The following SLC38A11 variants were observed in gnomAD, a reference collection of about 807,000 sequenced individuals.
SLC38A11 encodes the protein putative sodium-coupled neutral amino acid transporter 11.
In SLC38A11, 51 loss-of-function variants were observed where a neutral mutation model predicts 49.4. The ratio of observed to expected loss-of-function variants is 1.03; its 90% CI spans 0.83 to 1.30. The LOEUF (loss-of-function observed/expected upper bound fraction) is 1.30, where lower values mean the gene tolerates loss of function less well. SLC38A11 is among the 50% of genes most tolerant of loss of function. The pLI, the probability that SLC38A11 is intolerant of heterozygous loss-of-function variation, is 0.00. For synonymous variants in SLC38A11, 203 were observed against 192.9 expected (o/e 1.05, Z -0.43); for missense variants, 574 against 556.2 (o/e 1.03, Z -0.32).
chr2:164,911,458 C>T (rs1046645748), intron 10 of SLC38A11, among the ~76,000 whole-genome samples, 178 bp downstream of exon 10: 1 of 152,036 alleles, frequency 6.6e-6, no homozygotes, highest in Non-Finnish European at 1.5e-5. Flanking sequence ...TTGTAAACAT[C>T]TGAATATAAA....
intron 7 of SLC38A11, among the ~76,000 whole-genome samples, chr2:164,919,989 T>A (rs1686068451): frequency 1.3e-5 from 2 of 151,996 alleles, no homozygotes; most frequent in South Asian, 4.2e-4. Context: ...TGAAATAACT[T>A]CCATAGACCA....
chr2:164,901,297 C>T (rs78912531), intron 11 of SLC38A11, among the ~76,000 whole-genome samples: 1,703 of 152,048 alleles, frequency 0.011, 29 homozygotes, highest in East Asian at 0.045. Context: ...TGAAGAATGC[C>T]GTTAGAATTT....
chr2:164,925,717 G>A (rs1686526595), intron 7 of SLC38A11, among the ~76,000 whole-genome samples: 2 of 152,152 alleles, frequency 1.3e-5, no homozygotes, highest in Non-Finnish European at 2.9e-5. Context: ...AGTCCACTGA[G>A]GTTATCTCTT....
intron 11 of SLC38A11, among the ~76,000 whole-genome samples, chr2:164,900,066 G>A (rs1684558031): frequency 6.6e-6 from 1 of 151,986 alleles, no homozygotes; most frequent in Non-Finnish European, 1.5e-5. Context: ...TGCTTTATGT[G>A]TCTGGCTTAT....
At chr2:164,940,441 C>G (rs1483518302) in intron 5 of SLC38A11, among the ~76,000 whole-genome samples, 1 of 150,854 alleles carries the variant, frequency 6.6e-6, no homozygotes, top group Non-Finnish European at 1.5e-5. Flanking sequence ...TATTAAATTT[C>G]ACTCAGAGAT....
intron 8 of SLC38A11, chr2:164,915,678 A>G (rs1489139251): frequency 2.1e-6 from 1 of 481,386 alleles, no homozygotes; most frequent in Non-Finnish European, 3.7e-6. Context: ...GACTGTAATG[A>G]GTTTCTGCAT....
intron 9 of SLC38A11, among the ~76,000 whole-genome samples, chr2:164,913,585 G>T (rs1456967785): frequency 6.6e-6 from 1 of 151,962 alleles, no homozygotes; most frequent in African/African-American, 2.4e-5. Context: ...TTAAAAACCT[G>T]TCAGCTTTGT....
At chr2:164,955,078 C>G (rs991506137) in intron 1 of SLC38A11, 131 bp downstream of exon 1, 7 of 769,166 alleles carry the variant, frequency 9.1e-6, no homozygotes, top group Non-Finnish European at 1.5e-5. Flanking sequence ...TAAGGCAAAA[C>G]TTTTTGTCCC....
At chr2:164,921,283 T>C (rs1190592889) in intron 7 of SLC38A11, among the ~76,000 whole-genome samples, 1 of 152,158 alleles carries the variant, frequency 6.6e-6, no homozygotes, top group African/African-American at 2.4e-5. Flanking sequence ...TAAAAGCCAT[T>C]TGTAATCTTT....
chr2:164,897,375 A>G lies in SLC38A11; in HGVS notation c.*1062T>C. ...GCAGCAGTATCAAAACTGGGCTATT[A>G]CCCTTGAACAGGGACAACTCTGATG... On this transcript the variant is annotated 3_prime_UTR_variant, in exon 12 of 12. Transcript: ENST00000685975. The G allele has an allele frequency of 6.6e-6, 1 of 152,170 alleles. No homozygotes were observed. Among genetic ancestry groups the G allele is most frequent in the South Asian group, 2.1e-4 (1 of 4,822 alleles). The allele number at this position is 152,170 out of a possible 1,614,324, so 9.4% of individuals were successfully genotyped here.
chr2:164,907,685 A>G (rs1016511448), intron 11 of SLC38A11, among the ~76,000 whole-genome samples: 9 of 152,172 alleles, frequency 5.9e-5, no homozygotes, highest in Admixed American at 3.9e-4. Flanking sequence ...TAATTACTCA[A>G]TAAATATATG....
intron 2 of SLC38A11, among the ~76,000 whole-genome samples, chr2:164,954,373 A>G (rs532726143): frequency 2.6e-4 from 39 of 152,306 alleles, no homozygotes; most frequent in African/African-American, 8.9e-4. Flanking sequence ...ACCCATATGC[A>G]GTTTCACCTT....
chr2:164,924,265 T>C (rs1686414958), intron 7 of SLC38A11, among the ~76,000 whole-genome samples: 1 of 152,020 alleles, frequency 6.6e-6, no homozygotes, highest in South Asian at 2.1e-4. Context: ...GAGCTAAACA[T>C]TGGGTACATG....
chr2:164,945,831 T>C (rs1221477225), intron 3 of SLC38A11, 104 bp from the exon 4 acceptor site: 5 of 1,278,656 alleles, frequency 3.9e-6, no homozygotes, highest in Non-Finnish European at 5.5e-6. Context: ...TAAAGAAGCA[T>C]TTAATTTAAT....
At chr2:164,914,626 G>C (rs191415479) in intron 9 of SLC38A11, among the ~76,000 whole-genome samples, 1 of 151,566 alleles carries the variant, frequency 6.6e-6, no homozygotes, top group African/African-American at 2.4e-5. Context: ...GGAGTGGAGT[G>C]GGGGATTAGA....
intron 2 of SLC38A11, chr2:164,952,996 G>C: frequency 2.1e-6 from 1 of 474,152 alleles, no homozygotes; most frequent in Non-Finnish European, 3.7e-6. Context: ...CAAGTTAAGA[G>C]AGCAAGTTTC....
chr2:164,908,115 A>G (rs1277444242), intron 11 of SLC38A11: 1 of 152,178 alleles, frequency 6.6e-6, no homozygotes, highest in Non-Finnish European at 1.5e-5. Flanking sequence ...ATATTTAAAG[A>G]AAAAGAAATT....
chr2:164,920,060 G>T (rs1218185065), intron 7 of SLC38A11, among the ~76,000 whole-genome samples: 1 of 152,148 alleles, frequency 6.6e-6, no homozygotes, highest in Non-Finnish European at 1.5e-5. Context: ...TGGGTCACAA[G>T]GTCAGGAGTT....
At chr2:164,944,149 C>G (rs1687958095) in intron 5 of SLC38A11, among the ~76,000 whole-genome samples, 1 of 152,154 alleles carries the variant, frequency 6.6e-6, no homozygotes, top group Admixed American at 6.6e-5. Flanking sequence ...AGCCACCATG[C>G]CTGGCCACAG....
Sources: gnomAD v4.1 joint callset for allele counts (sites outside exome capture counted in the v4.1 genomes callset) on GRCh38, gnomAD v4.1.1 for gene constraint, MANE v1.5 for transcripts, NCBI Gene and HGNC (gene_info 2026-07-23, HGNC 2026-07-21) for gene names.